RIMS2: variants seen among roughly 807,000 people sequenced by gnomAD.
The protein encoded by RIMS2 is regulating synaptic membrane exocytosis 2.
A neutral mutation model predicts 174.4 loss-of-function variants in RIMS2; 59 were observed. The ratio of observed to expected loss-of-function variants is 0.34; its 90% CI spans 0.27 to 0.42. The LOEUF (loss-of-function observed/expected upper bound fraction) is 0.42. RIMS2 is among the 10% of genes least tolerant of loss of function. The pLI is 1.00. For missense variants in RIMS2, 1,620 were observed against 1,666.3 expected (o/e 0.97, Z 0.48); for synonymous variants, 606 against 572.5 (o/e 1.06, Z -0.84).
chr8:103,805,385 T>C (rs972614081), intron 3 of RIMS2, among the ~76,000 whole-genome samples: 1 of 152,284 alleles, frequency 6.6e-6, no homozygotes, highest in East Asian at 1.9e-4. Context: ...CTTGTTTTTT[T>C]AAATAACTAA....
chr8:104,074,491 A>T (rs1368193874), intron 19 of RIMS2, among the ~76,000 whole-genome samples: 1 of 152,244 alleles, frequency 6.6e-6, no homozygotes, highest in Non-Finnish European at 1.5e-5. Flanking sequence ...TAGACACCAG[A>T]TATGAATCTG....
chr8:103,912,073 A>G (rs760050251), exon 6 of RIMS2: 5 of 1,601,218 alleles, frequency 3.1e-6, no homozygotes, highest in Admixed American at 1.7e-5. Context: ...CCTGGCAACC[A>G]TCTAAAGATG....
At chr8:103,802,477 G>C (rs1057212485) in intron 3 of RIMS2, among the ~76,000 whole-genome samples, 5 of 152,088 alleles carry the variant, frequency 3.3e-5, no homozygotes, top group African/African-American at 1.2e-4. Context: ...CACCAGTGAA[G>C]TAATTCCGGT....
intron 3 of RIMS2, among the ~76,000 whole-genome samples, chr8:103,826,632 G>T (rs1275921503): frequency 6.6e-6 from 1 of 150,582 alleles, no homozygotes; most frequent in Non-Finnish European, 1.5e-5. Context: ...CTCCACCTTT[G>T]TTCTTTTTGT....
exon 4 of RIMS2, chr8:103,885,318 C>A: frequency 6.3e-7 from 1 of 1,588,616 alleles, no homozygotes; most frequent in South Asian, 1.1e-5. Flanking sequence ...CCATCTGTGT[C>A]CAGAGATCAG....
chr8:103,881,885 T>G (rs1206475280), intron 3 of RIMS2, among the ~76,000 whole-genome samples: 2 of 151,426 alleles, frequency 1.3e-5, no homozygotes, highest in African/African-American at 4.8e-5. Flanking sequence ...ATAAAGTGAA[T>G]ATAAATATAT....
intron 2 of RIMS2, among the ~76,000 whole-genome samples, chr8:103,724,058 C>CA (rs2097493687): frequency 6.7e-6 from 1 of 150,272 alleles, no homozygotes; most frequent in Non-Finnish European, 1.5e-5. Context: ...TTCCCCGCCC[C>CA]GCCCCCCCAC....
At chr8:104,118,048 A>G (rs1023574199) in intron 19 of RIMS2, among the ~76,000 whole-genome samples, 1 of 152,194 alleles carries the variant, frequency 6.6e-6, no homozygotes, top group Non-Finnish European at 1.5e-5. Context: ...GGCATTGACA[A>G]CTGAATATTT....
At chr8:103,643,352 C>G (rs1381087956) in intron 1 of RIMS2, among the ~76,000 whole-genome samples, 1 of 151,950 alleles carries the variant, frequency 6.6e-6, no homozygotes, top group Non-Finnish European at 1.5e-5. Flanking sequence ...AGTATATTAA[C>G]CACAGCTATT....
intron 1 of RIMS2, among the ~76,000 whole-genome samples, chr8:103,645,746 T>G (rs927464781): frequency 6.6e-6 from 1 of 152,108 alleles, no homozygotes; most frequent in African/African-American, 2.4e-5. Flanking sequence ...ATTGGGCCAG[T>G]CTCCCTTAAT....
At chr8:103,865,170 A>G (rs2099078480) in intron 3 of RIMS2, among the ~76,000 whole-genome samples, 2 of 151,740 alleles carry the variant, frequency 1.3e-5, no homozygotes, top group Non-Finnish European at 1.5e-5. Context: ...AATTATAAAA[A>G]TAAAAATAAA....
intron 6 of RIMS2, among the ~76,000 whole-genome samples, chr8:103,915,008 A>C (rs1199736451): frequency 6.6e-6 from 1 of 152,062 alleles, no homozygotes; most frequent in East Asian, 1.9e-4. Context: ...TAAATTTTGT[A>C]ATTTTTTTCA....
intron 1 of RIMS2, among the ~76,000 whole-genome samples, chr8:103,655,117 C>T (rs143398451): frequency 5.3e-5 from 8 of 151,920 alleles, no homozygotes; most frequent in East Asian, 1.9e-4. Context: ...TATAAGTAGA[C>T]TACTGTATAT....
At chr8:103,707,925 C>G (rs949048972) in intron 2 of RIMS2, among the ~76,000 whole-genome samples, 1 of 152,180 alleles carries the variant, frequency 6.6e-6, no homozygotes, top group African/African-American at 2.4e-5. Flanking sequence ...CAACTGGGAG[C>G]TTTGGGATCC....
chr8:103,788,645 C>T (rs1265510376), intron 3 of RIMS2, among the ~76,000 whole-genome samples: 7 of 152,070 alleles, frequency 4.6e-5, no homozygotes, highest in East Asian at 1.9e-4. Flanking sequence ...TCTCCAGCTG[C>T]GTGCTGGGAG....
intron 2 of RIMS2, among the ~76,000 whole-genome samples, chr8:103,720,009 C>G (rs1036690023): frequency 3.9e-5 from 6 of 152,050 alleles, no homozygotes; most frequent in Non-Finnish European, 7.4e-5. Context: ...AAAAAGTTCA[C>G]TTGTTAGTTG....
chr8:103,708,147 T>C (rs1388661005), intron 2 of RIMS2, among the ~76,000 whole-genome samples: 1 of 152,056 alleles, frequency 6.6e-6, no homozygotes. Context: ...AGTGGCAGGG[T>C]TCACCCAAGG....
intron 19 of RIMS2, among the ~76,000 whole-genome samples, chr8:104,050,373 G>C (rs1218446531): frequency 6.6e-6 from 1 of 152,042 alleles, no homozygotes; most frequent in East Asian, 1.9e-4. Context: ...AGTTTTAAGT[G>C]CTCTTATTTA....
intron 1 of RIMS2, among the ~76,000 whole-genome samples, chr8:103,665,167 C>T (rs188117695): frequency 6.6e-6 from 1 of 152,120 alleles, no homozygotes; most frequent in African/African-American, 2.4e-5. Context: ...AGGAGAAATA[C>T]CTAAAGTAAA....
Sources: allele counts gnomAD v4.1 joint callset (sites outside exome capture counted in the v4.1 genomes callset), GRCh38; gene constraint gnomAD v4.1.1; transcripts MANE v1.5; gene names NCBI Gene and HGNC (gene_info 2026-07-23, HGNC 2026-07-21).